The following SPAG9 variants were observed in gnomAD, a reference collection of about 807,000 sequenced individuals.
The protein encoded by SPAG9 is sperm associated antigen 9, also known as C-Jun-amino-terminal kinase-interacting protein 4.
SPAG9 carries 35 observed loss-of-function variants against 166.5 expected under a neutral mutation model. That is an observed-to-expected ratio of 0.21 (90% CI 0.16 to 0.28). The LOEUF is 0.28. SPAG9 is among the 10% of genes least tolerant of loss of function. The probability of loss-of-function intolerance (pLI) is 1.00; values close to 1 mark genes in which losing one functional copy is unlikely to be tolerated. For missense variants in SPAG9, 1,235 were observed against 1,603.3 expected (o/e 0.77, Z 3.92); for synonymous variants, 534 against 565.5 (o/e 0.94, Z 0.79).
intron 2 of SPAG9, among the ~76,000 whole-genome samples, chr17:51,069,110 CTAAA>C (rs1326152269): frequency 2.6e-5 from 4 of 151,860 alleles, no homozygotes; most frequent in Admixed American, 6.6e-5. Flanking sequence ...AAGTAGCTTT[CTAAA>C]TAATTAACTT....
intron 4 of SPAG9, among the ~76,000 whole-genome samples, chr17:51,041,916 G>A (rs1379368623): frequency 6.6e-6 from 1 of 152,190 alleles, no homozygotes; most frequent in Non-Finnish European, 1.5e-5. Flanking sequence ...CGAGTTCCTT[G>A]CCCAAGAAGC....
chr17:51,111,838 A>G (rs532370856), intron 1 of SPAG9, among the ~76,000 whole-genome samples: 1 of 152,246 alleles, frequency 6.6e-6, no homozygotes, highest in Non-Finnish European at 1.5e-5. Context: ...TCCTGACCTC[A>G]GGCAATCCAC....
chr17:51,053,857 ATATATATATATATAT>A (rs2047268435), intron 3 of SPAG9, among the ~76,000 whole-genome samples: 14 of 36,544 alleles, frequency 3.8e-4, no homozygotes, highest in African/African-American at 1.5e-3. Context: ...AAAAAAAAGT[ATATATATATATATAT>A]ATATATATAT....
At chr17:50,996,450 C>A in intron 16 of SPAG9, 115 bp downstream of exon 16, 7 of 1,207,008 alleles carry the variant, frequency 5.8e-6, no homozygotes, top group Non-Finnish European at 8.3e-6. Context: ...TGTGCCCAGT[C>A]CATGCGGCTG....
At chr17:51,005,765 C>T (rs954137036) in intron 11 of SPAG9, among the ~76,000 whole-genome samples, 3 of 152,216 alleles carry the variant, frequency 2.0e-5, no homozygotes, top group East Asian at 1.9e-4. Context: ...GCAAGAGAAT[C>T]GCTTGAACTC....
At chr17:51,005,993 G>A in intron 11 of SPAG9, 92 bp downstream of exon 11, 1 of 1,435,262 alleles carries the variant, frequency 7.0e-7, no homozygotes, top group Non-Finnish European at 9.6e-7. Flanking sequence ...GGCTTGAGTG[G>A]ACAGAAGGTC....
chr17:51,066,567 GA>G lies in SPAG9; in HGVS notation c.425-10086del, dbSNP rs71149340. Among the ~76,000 whole-genome samples, 133 of 110,816 alleles carry G rather than the reference GA, an allele frequency of 1.2e-3. 2 individuals carry two copies. Among genetic ancestry groups the G allele is most frequent in the Admixed American group, 2.6e-3 (24 of 9,192 alleles). The allele number at this position is 110,816 out of a possible 152,430, so 72.7% of individuals were successfully genotyped here. A position where few individuals can be genotyped will look rare whatever the true frequency, so the allele number is the denominator to read the frequency against. On this transcript the variant is annotated intron_variant, in intron 2 of 29. Transcript: ENST00000262013. ...GAGACTCTGTCTCAAAAAAAAAAAA[GA>G]AAAAAAAAAAAAAGACCATGGCTCA...
chr17:51,011,196 C>T (rs1421764899), intron 9 of SPAG9, among the ~76,000 whole-genome samples: 1 of 151,838 alleles, frequency 6.6e-6, no homozygotes, highest in Non-Finnish European at 1.5e-5. Context: ...CGTGATGGTG[C>T]ATGCCTGTAG....
intron 1 of SPAG9, among the ~76,000 whole-genome samples, chr17:51,083,955 T>C (rs1363356030): frequency 6.6e-6 from 1 of 152,160 alleles, no homozygotes; most frequent in Non-Finnish European, 1.5e-5. Context: ...TATGAAAACA[T>C]TTCATATTTG....
chr17:51,021,515 C>T, intron 6 of SPAG9, 150 bp from the exon 7 acceptor site: 1 of 603,984 alleles, frequency 1.7e-6, no homozygotes, highest in African/African-American at 1.8e-5. Context: ...CCGGTAAGTA[C>T]TCTCTTTAGA....
At chr17:51,027,819 C>CT (rs1457504005) in intron 6 of SPAG9, among the ~76,000 whole-genome samples, 1 of 152,094 alleles carries the variant, frequency 6.6e-6, no homozygotes, top group Non-Finnish European at 1.5e-5. Context: ...TATACTCCTC[C>CT]TTCTACTTAA....
chr17:51,011,495 G>C (rs1210858070), intron 9 of SPAG9, among the ~76,000 whole-genome samples: 2 of 151,302 alleles, frequency 1.3e-5, no homozygotes, highest in Non-Finnish European at 1.5e-5. Context: ...CAATTCTCCT[G>C]CCTCAGCCTC....
At chr17:51,066,222 C>G (rs2038063870) in intron 2 of SPAG9, among the ~76,000 whole-genome samples, 1 of 151,910 alleles carries the variant, frequency 6.6e-6, no homozygotes, top group Non-Finnish European at 1.5e-5. Context: ...CCTCCAGGCT[C>G]AAGTGATCCT....
At chr17:50,993,640 T>C (rs1975806515) in intron 19 of SPAG9, 124 bp downstream of exon 19, 3 of 825,420 alleles carry the variant, frequency 3.6e-6, no homozygotes, top group Non-Finnish European at 3.6e-6. Flanking sequence ...TTTTTTAATC[T>C]TCCCTAACTA....
At chr17:51,092,486 G>C (rs2048493762) in intron 1 of SPAG9, among the ~76,000 whole-genome samples, 2 of 152,028 alleles carry the variant, frequency 1.3e-5, no homozygotes, top group African/African-American at 2.4e-5. Flanking sequence ...CACTTATTAA[G>C]TATTAAATAT....
chr17:51,117,083 G>A (rs899065892), intron 1 of SPAG9, among the ~76,000 whole-genome samples: 2 of 152,092 alleles, frequency 1.3e-5, no homozygotes, highest in Non-Finnish European at 2.9e-5. Context: ...CCTTCTTTAG[G>A]TTGTTTTTAA....
Position 51,117,658 on chromosome 17 carries a change from A to G in SPAG9, c.303+2696T>C, listed in dbSNP as rs545172306. ...CGGGAGGCGGAGGCTGCAGTGAGTCAAGATTGTGCCACTGCACTCCAGCCT... is the reference window on the plus strand; with the variant it reads ...CGGGAGGCGGAGGCTGCAGTGAGTCGAGATTGTGCCACTGCACTCCAGCCT... On this transcript the variant is annotated intron_variant, in intron 1 of 29. Coordinates refer to ENST00000262013, the MANE Select transcript of SPAG9 (RefSeq NM_001130528.3). Among the ~76,000 whole-genome samples the G allele has an allele frequency of 1.7e-4, 25 of 145,982 alleles. No homozygotes were observed. The South Asian group carries it at 5.2e-3, about 31-fold the overall frequency.
At chr17:51,005,768 T>C (rs2045189311) in intron 11 of SPAG9, among the ~76,000 whole-genome samples, 1 of 152,196 alleles carries the variant, frequency 6.6e-6, no homozygotes, top group Non-Finnish European at 1.5e-5. Flanking sequence ...AGAGAATCGC[T>C]TGAACTCGGG....
chr17:50,976,044 G>A, intron 27 of SPAG9: 1 of 663,474 alleles, frequency 1.5e-6, no homozygotes, highest in Non-Finnish European at 2.7e-6. Context: ...ATCCCACTTG[G>A]CATAATACCA....
Sources: gnomAD v4.1 joint callset for allele counts (sites outside exome capture counted in the v4.1 genomes callset) on GRCh38, gnomAD v4.1.1 for gene constraint, MANE v1.5 for transcripts, NCBI Gene and HGNC (gene_info 2026-07-23, HGNC 2026-07-21) for gene names.